FBXL17: variants seen among roughly 807,000 people sequenced by gnomAD.
FBXL17 encodes F-box/LRR-repeat protein 17.
Under a neutral mutation model 66.2 loss-of-function variants are expected in FBXL17, and 22 were observed. That is an observed-to-expected ratio of 0.33 (90% CI 0.24 to 0.47). The LOEUF is 0.47. Ranked by LOEUF, FBXL17 falls within the 20% of genes least tolerant of loss-of-function variation. The pLI is 1.00. For synonymous variants in FBXL17, 474 were observed against 400.5 expected, an observed-to-expected ratio of 1.18 and a Z score of -2.19; for missense variants, 878 against 948.2, an observed-to-expected ratio of 0.93 and a Z score of 0.97.
At chr5:108,378,803 G>T (rs1304122539) in intron 1 of FBXL17, among the ~76,000 whole-genome samples, 1 of 152,212 alleles carries the variant, frequency 6.6e-6, no homozygotes, top group African/African-American at 2.4e-5. Flanking sequence ...AGGAGACAGA[G>T]CAATGAACAA....
At position 108,348,437 on chromosome 5, in the gene FBXL17, G is replaced by C. The variant is rs1747419804; in HGVS notation, c.1468C>G (p.Leu490Val). The C allele has an allele frequency of 6.2e-7, 1 of 1,613,466 alleles. No individual in the cohort carries two copies. Reference protein sequence around the residue: ...EGMIVIAKGCLKLQRIYMQEN... With the variant: ...EGMIVIAKGCVKLQRIYMQEN... ...TGCATGTATATCCTTTGTAATTTCA[G>C]ACAGCCCTTAGCTATGACGATCATG... Residue 490 changes from leucine (L) to valine (V), a missense_variant, in exon 4 of 9, where the codon CTG becomes GTG. By Grantham distance (32) the Leu-to-Val change is conservative (BLOSUM62 1). This residue lies in a region of FBXL17 where 236 missense variants were observed against 389.1 expected (regional missense o/e 0.61). Coordinates refer to ENST00000542267, the MANE Select transcript of FBXL17 (RefSeq NM_001163315.3).
intron 7 of FBXL17, among the ~76,000 whole-genome samples, chr5:107,917,438 G>A (rs769744156): frequency 7.2e-5 from 11 of 151,984 alleles, no homozygotes; most frequent in South Asian, 2.1e-4. Flanking sequence ...AGAAACAGAT[G>A]GTCTTTTTAA....
chr5:108,367,743 A>C, intron 2 of FBXL17, 88 bp downstream of exon 2: 1 of 1,161,040 alleles, frequency 8.6e-7, no homozygotes, highest in Non-Finnish European at 1.2e-6. Context: ...TATCTTAAAA[A>C]ACAAGAAGAC....
At chr5:108,073,559 A>G (rs1161107904) in intron 6 of FBXL17, among the ~76,000 whole-genome samples, 1 of 152,230 alleles carries the variant, frequency 6.6e-6, no homozygotes, top group Non-Finnish European at 1.5e-5. Flanking sequence ...AAATAAAAAT[A>G]TACAGCAAGT....
At chr5:108,278,020 A>C (rs1757554703) in intron 4 of FBXL17, among the ~76,000 whole-genome samples, 1 of 152,230 alleles carries the variant, frequency 6.6e-6, no homozygotes, top group Non-Finnish European at 1.5e-5. Flanking sequence ...AGTTCAACAG[A>C]AAAGCAAAAG....
chr5:108,223,405 G>C (rs1754958854), intron 5 of FBXL17, among the ~76,000 whole-genome samples: 1 of 150,860 alleles, frequency 6.6e-6, no homozygotes, highest in Admixed American at 6.6e-5. Flanking sequence ...GAAAAGGCAA[G>C]AATCACATTC....
At chr5:107,884,719 G>A (rs147623709) in intron 7 of FBXL17, among the ~76,000 whole-genome samples, 120 of 152,274 alleles carry the variant, frequency 7.9e-4, no homozygotes, top group African/African-American at 2.8e-3. Flanking sequence ...TTGACATCGG[G>A]ATCACATTTA....
In FBXL17 at chr5:108,247,552, G is replaced by A. The variant is rs1018481972; in HGVS notation, c.1507-23324C>T. On this transcript the variant is annotated intron_variant, in intron 4 of 8. Transcript: ENST00000542267. ...AAGGTCATTCTCCTAAAAATGTAAG[G>A]TATCATTGTTAAGACATAACTTTTT... Among the ~76,000 whole-genome samples, 77 of 152,162 alleles carry A rather than the reference G, an allele frequency of 5.1e-4. 2 individuals carry two copies. The highest frequency in any genetic ancestry group is 1.8e-3 in the African/African-American group (75 of 41,524).
In FBXL17 at chr5:107,892,871, T is replaced by C. The variant is rs377412321; in HGVS notation, c.1823-11692A>G. On this transcript the variant is annotated intron_variant, in intron 7 of 8. Coordinates refer to ENST00000542267, the MANE Select transcript of FBXL17 (RefSeq NM_001163315.3). Reference sequence around the variant, plus strand: ...AAGAAAGGCAAAGGAAACAAAAACATGAAATTCAAAACATTTCCAGTTTTG... The same window carrying C: ...AAGAAAGGCAAAGGAAACAAAAACACGAAATTCAAAACATTTCCAGTTTTG... Among the ~76,000 whole-genome samples, 22 of 152,306 alleles carry C rather than the reference T, an allele frequency of 1.4e-4. No individual in the cohort carries two copies. In the South Asian group the frequency reaches 4.6e-3, roughly 32 times the overall value.
At chr5:108,338,266 T>C (rs1746643897) in intron 4 of FBXL17, among the ~76,000 whole-genome samples, 2 of 152,116 alleles carry the variant, frequency 1.3e-5, no homozygotes, top group African/African-American at 4.8e-5. Context: ...GTAATGAATA[T>C]AAATATATGC....
chr5:107,990,813 G>A (rs1753210423), intron 7 of FBXL17, among the ~76,000 whole-genome samples: 1 of 152,220 alleles, frequency 6.6e-6, no homozygotes, highest in African/African-American at 2.4e-5. Flanking sequence ...CTATCTCATG[G>A]TGTCTTGTGT....
At chr5:108,193,253 AAGAT>A (rs1318124455) in intron 5 of FBXL17, among the ~76,000 whole-genome samples, 1 of 152,158 alleles carries the variant, frequency 6.6e-6, no homozygotes, top group Non-Finnish European at 1.5e-5. Context: ...TCAGGCTGTC[AAGAT>A]GGAGACCAAG....
At chr5:108,109,323 G>A (rs1042695016) in intron 6 of FBXL17, among the ~76,000 whole-genome samples, 2 of 151,936 alleles carry the variant, frequency 1.3e-5, no homozygotes, top group Non-Finnish European at 2.9e-5. Context: ...ACTTTCATGT[G>A]AGAGGTGCCC....
chr5:108,164,612 T>C (rs1202710499), intron 6 of FBXL17, among the ~76,000 whole-genome samples: 1 of 152,090 alleles, frequency 6.6e-6, no homozygotes, highest in Admixed American at 6.6e-5. Context: ...TAATAATAAT[T>C]ATCATTATTA....
intron 6 of FBXL17, among the ~76,000 whole-genome samples, chr5:108,088,166 G>T (rs1226340454): frequency 6.6e-6 from 1 of 152,062 alleles, no homozygotes; most frequent in Non-Finnish European, 1.5e-5. Flanking sequence ...ACAATGAAAA[G>T]ATCACACCTG....
Position 108,272,901 on chromosome 5 carries a change from G to A in FBXL17, c.1507-48673C>T, listed in dbSNP as rs549255563. On this transcript the variant is annotated intron_variant, in intron 4 of 8. Transcript: ENST00000542267. The stretch of plus-strand genomic sequence containing the variant: ...ATAACCATAGTTAATAACTATCAGC[G>A]AACCTGCCCCGATATTCACGTAGGT... Among the ~76,000 whole-genome samples, 5 of 152,250 alleles carry A rather than the reference G, an allele frequency of 3.3e-5. No homozygotes were observed. The South Asian group carries it at 6.2e-4, about 19-fold the overall frequency.
chr5:108,095,022 A>G (rs1047663586), intron 6 of FBXL17, among the ~76,000 whole-genome samples: 4 of 152,122 alleles, frequency 2.6e-5, no homozygotes, highest in African/African-American at 9.7e-5. Flanking sequence ...CTCTGGCCAA[A>G]TATGATAAGT....
At chr5:107,941,948 T>C (rs1457727806) in intron 7 of FBXL17, among the ~76,000 whole-genome samples, 2 of 152,184 alleles carry the variant, frequency 1.3e-5, no homozygotes, top group African/African-American at 2.4e-5. Flanking sequence ...CTACTGGCAC[T>C]TGGCCTGTGG....
At chr5:107,870,257 C>T (rs1365655925) in intron 8 of FBXL17, among the ~76,000 whole-genome samples, 1 of 152,202 alleles carries the variant, frequency 6.6e-6, no homozygotes, top group East Asian at 1.9e-4. Flanking sequence ...CTGCCCACTT[C>T]CCATGACATG....
Sources: allele counts gnomAD v4.1 joint callset (sites outside exome capture counted in the v4.1 genomes callset), GRCh38; gene constraint gnomAD v4.1.1; regional missense constraint gnomAD v4.1.1; transcripts MANE v1.5; gene names NCBI Gene and HGNC (gene_info 2026-07-23, HGNC 2026-07-21).